The following SASH1 variants were observed in gnomAD, a reference collection of about 807,000 sequenced individuals.
The protein encoded by SASH1 is SAM and SH3 domain-containing protein 1.
In SASH1, 44 loss-of-function variants were observed where a neutral mutation model predicts 125.2. The observed-to-expected ratio is 0.35, with a 90% confidence interval of 0.28 to 0.45. The LOEUF (loss-of-function observed/expected upper bound fraction) is 0.45, where lower values mean the gene tolerates loss of function less well. SASH1 is among the 20% of genes least tolerant of loss of function. The pLI is 1.00. For missense variants in SASH1, 1,426 were observed against 1,614.5 expected, an observed-to-expected ratio of 0.88 and a Z score of 2.00; for synonymous variants, 639 against 649.1, an observed-to-expected ratio of 0.98 and a Z score of 0.24.
chr6:148,307,032 CTTTCTTTCTTTCTT>C (rs1372412421), intron 1 of SASH1, among the ~76,000 whole-genome samples: 4 of 43,968 alleles, frequency 9.1e-5, no homozygotes, highest in African/African-American at 5.0e-4. Flanking sequence ...TCTTTTCTTT[CTTTCTTTCTTTCTT>C]TCTTTCTTTC....
At chr6:148,334,162 C>A (rs1303893987) in intron 1 of SASH1, among the ~76,000 whole-genome samples, 16 of 142,750 alleles carry the variant, frequency 1.1e-4, no homozygotes, top group Non-Finnish European at 3.0e-5. Flanking sequence ...GGCTGGCTCA[C>A]GCTTGTAATC....
chr6:148,442,200 A>G (rs933581858), intron 4 of SASH1, among the ~76,000 whole-genome samples: 1 of 152,050 alleles, frequency 6.6e-6, no homozygotes, highest in Non-Finnish European at 1.5e-5. Context: ...CAGCCTGGGC[A>G]ACATAGTAAG....
intron 9 of SASH1, among the ~76,000 whole-genome samples, chr6:148,518,322 C>T (rs555304557): frequency 1.2e-4 from 18 of 152,312 alleles, no homozygotes; most frequent in African/African-American, 2.6e-4. Context: ...TCCCCACCAC[C>T]GTCTGCTGGG....
At chr6:148,476,511 G>A (rs565400626) in intron 7 of SASH1, among the ~76,000 whole-genome samples, 19 of 151,998 alleles carry the variant, frequency 1.3e-4, no homozygotes, top group Admixed American at 3.3e-4. Flanking sequence ...GTGAAACCCC[G>A]TCTCCACTAA....
intron 4 of SASH1, among the ~76,000 whole-genome samples, chr6:148,468,341 C>T (rs1233640519): frequency 6.6e-6 from 1 of 152,198 alleles, no homozygotes; most frequent in African/African-American, 2.4e-5. Context: ...TCGAGTGAGT[C>T]TTTAATAAAT....
At chr6:148,382,068 G>C (rs558571990) in intron 1 of SASH1, among the ~76,000 whole-genome samples, 1 of 152,148 alleles carries the variant, frequency 6.6e-6, no homozygotes, top group African/African-American at 2.4e-5. Flanking sequence ...CTGGGTTAGC[G>C]ACCTTTACAA....
the SASH1 span, among the ~76,000 whole-genome samples, chr6:148,233,742 C>CAAAAAAAAAAAAAAAAAAAAAAAAAA: frequency 1.7e-3 from 104 of 60,522 alleles, 13 homozygotes; most frequent in Middle Eastern, 8.6e-3. Context: ...TTCCTCTCTA[C>CAAAAAAAAAAAAAAAAAAAAAAAAAA]AAAAAAAAAA....
chr6:148,341,748 C>T (rs577033028), upstream of SASH1, among the ~76,000 whole-genome samples: 3 of 151,892 alleles, frequency 2.0e-5, no homozygotes, highest in African/African-American at 7.2e-5. Context: ...ACAAGCAGGG[C>T]TCTCTCCCTG....
At chr6:148,263,363 T>C in the SASH1 span, among the ~76,000 whole-genome samples, 1 of 152,176 alleles carries the variant, frequency 6.6e-6, no homozygotes, top group Admixed American at 6.5e-5. Context: ...TTCACTGAGC[T>C]AGAACAGCAT....
At chr6:148,446,362 C>T (rs1040629608) in intron 4 of SASH1, among the ~76,000 whole-genome samples, 15 of 152,082 alleles carry the variant, frequency 9.9e-5, no homozygotes, top group African/African-American at 3.6e-4. Flanking sequence ...CCCGCCTTGG[C>T]CTCCTAAAGT....
At chr6:148,357,277 A>C (rs1214067145) in intron 1 of SASH1, among the ~76,000 whole-genome samples, 1 of 152,160 alleles carries the variant, frequency 6.6e-6, no homozygotes, top group East Asian at 1.9e-4. Flanking sequence ...TTTTAAACAC[A>C]CCCACATTTT....
chr6:148,341,889 A>G (rs1038358962), upstream of SASH1, among the ~76,000 whole-genome samples: 1 of 152,160 alleles, frequency 6.6e-6, no homozygotes, highest in Non-Finnish European at 1.5e-5. Flanking sequence ...TCACCTTCCA[A>G]GGAAAACTCT....
intron 1 of SASH1, among the ~76,000 whole-genome samples, chr6:148,307,036 C>A (rs1780149519): frequency 1.4e-5 from 1 of 70,384 alleles, no homozygotes; most frequent in African/African-American, 7.5e-5. Context: ...TTCTTTCTTT[C>A]TTTCTTTCTT....
chr6:148,276,408 C>G (rs1779185926), intron 1 of SASH1, among the ~76,000 whole-genome samples: 1 of 152,182 alleles, frequency 6.6e-6, no homozygotes, highest in African/African-American at 2.4e-5. Flanking sequence ...CAGTTTGAGG[C>G]AGCATGTCAG....
At chr6:148,381,660 T>C (rs891918947) in intron 1 of SASH1, among the ~76,000 whole-genome samples, 2 of 139,640 alleles carry the variant, frequency 1.4e-5, no homozygotes, top group African/African-American at 5.4e-5. Flanking sequence ...GAGTCTTGCT[T>C]TGCTGCCCAG....
intron 16 of SASH1, among the ~76,000 whole-genome samples, chr6:148,538,754 C>T (rs1782032711): frequency 6.6e-6 from 1 of 152,140 alleles, no homozygotes; most frequent in African/African-American, 2.4e-5. Flanking sequence ...AAAGGCATCA[C>T]ATTTCTGGCT....
rs538937138 is a variant in SASH1, at chr6:148,488,818, G to A, written c.729+1103G>A. On this transcript the variant is annotated intron_variant, in intron 8 of 19. Coordinates refer to ENST00000367467, the MANE Select transcript of SASH1 (RefSeq NM_015278.5). ...AGTCTTTTGCCTGGTCTTCAGTTATGTTGTTTTGCTGCTGTTGTTAGCTTG... is the reference window on the plus strand; with the variant it reads ...AGTCTTTTGCCTGGTCTTCAGTTATATTGTTTTGCTGCTGTTGTTAGCTTG... Among the ~76,000 whole-genome samples the A allele has an allele frequency of 1.6e-4, 25 of 152,298 alleles. No individual in the cohort carries two copies. In the East Asian group the frequency reaches 3.9e-3, roughly 23 times the overall value.
At chr6:148,471,919 C>A (rs143851681) in intron 6 of SASH1, among the ~76,000 whole-genome samples, 1 of 152,218 alleles carries the variant, frequency 6.6e-6, no homozygotes, top group Non-Finnish European at 1.5e-5. Flanking sequence ...ACTTCTGATG[C>A]TCTTCTGCAG....
At chr6:148,523,979 T>C (rs1780972674) in intron 10 of SASH1, among the ~76,000 whole-genome samples, 1 of 151,628 alleles carries the variant, frequency 6.6e-6, no homozygotes, top group Admixed American at 6.6e-5. Context: ...TGTAAGTACT[T>C]TACCTGAGAT....
Sources: gnomAD v4.1 joint callset for allele counts (sites outside exome capture counted in the v4.1 genomes callset) on GRCh38, gnomAD v4.1.1 for gene constraint, MANE v1.5 for transcripts, NCBI Gene and HGNC (gene_info 2026-07-23, HGNC 2026-07-21) for gene names.